PCDHGA2: variants seen among roughly 807,000 people sequenced by gnomAD.
PCDHGA2 encodes the protein protocadherin gamma-A2.
A neutral mutation model predicts 59.2 loss-of-function variants in PCDHGA2; 40 were observed. That is an observed-to-expected ratio of 0.68 (90% CI 0.52 to 0.88). The LOEUF is 0.88. Ranked by LOEUF, PCDHGA2 falls within the 40% of genes least tolerant of loss-of-function variation. The probability of loss-of-function intolerance (pLI) is 0.00; values close to 1 mark genes in which losing one functional copy is unlikely to be tolerated. For missense variants in PCDHGA2, 1,226 were observed against 1,204.0 expected (o/e 1.02, Z -0.27); for synonymous variants, 560 against 526.0 (o/e 1.06, Z -0.89).
At chr5:141,474,745 C>T (rs935430941) in intron 1 of PCDHGA2, among the ~76,000 whole-genome samples, 2 of 152,174 alleles carry the variant, frequency 1.3e-5, no homozygotes, top group East Asian at 3.9e-4. Context: ...AAGTGATGTC[C>T]AAGACAAATA....
At chr5:141,425,381 A>C (rs1374877185) in intron 1 of PCDHGA2, among the ~76,000 whole-genome samples, 3 of 152,194 alleles carry the variant, frequency 2.0e-5, no homozygotes, top group African/African-American at 7.2e-5. Flanking sequence ...GTTGATTCGG[A>C]GGTAGTGATA....
chr5:141,374,477 C>A lies in PCDHGA2; in HGVS notation c.2424+33082C>A, dbSNP rs376389009. 3 of 1,611,808 alleles carry A rather than the reference C, an allele frequency of 1.9e-6. No individual in the cohort carries two copies. In the East Asian group the frequency reaches 6.7e-5, roughly 36 times the overall value. ...AGTGGACATTAATGACAATACACCC[C>A]GATTCTTAAAGGAAGAATTGGAAGT... On this transcript the variant is annotated intron_variant, in intron 1 of 3. Transcript: ENST00000394576.
At chr5:141,499,136 G>A (rs1488844131) in intron 2 of PCDHGA2, among the ~76,000 whole-genome samples, 1 of 152,100 alleles carries the variant, frequency 6.6e-6, no homozygotes, top group Non-Finnish European at 1.5e-5. Flanking sequence ...CATCCTTTGG[G>A]TGTCTGATCC....
At chr5:141,401,548 G>T (rs1291544476) in intron 1 of PCDHGA2, among the ~76,000 whole-genome samples, 1 of 152,162 alleles carries the variant, frequency 6.6e-6, no homozygotes, top group Non-Finnish European at 1.5e-5. Context: ...AAAAGGAAAT[G>T]CTATTGCCTG....
intron 1 of PCDHGA2, chr5:141,359,974 G>A: frequency 1.4e-5 from 10 of 717,304 alleles, no homozygotes; most frequent in Non-Finnish European, 2.0e-5. Context: ...GCGTTTGGGA[G>A]CCTCTTAGAG....
intron 1 of PCDHGA2, chr5:141,389,349 A>C: frequency 5.6e-6 from 9 of 1,613,980 alleles, no homozygotes; most frequent in Non-Finnish European, 7.6e-6. Flanking sequence ...CTCTTACTGC[A>C]TCATGGCCAG....
At chr5:141,413,355 C>G in intron 1 of PCDHGA2, 1 of 1,613,952 alleles carries the variant, frequency 6.2e-7, no homozygotes, top group Non-Finnish European at 8.5e-7. Context: ...GTCTGGCGCC[C>G]CGGGAGCTGG....
intron 1 of PCDHGA2, chr5:141,345,322 C>A (rs1757554908): frequency 1.2e-6 from 2 of 1,613,942 alleles, no homozygotes. Context: ...GGGGGAAGCC[C>A]GCCACTGTCC....
intron 1 of PCDHGA2, chr5:141,399,866 C>G (rs1312435366): frequency 1.1e-5 from 17 of 1,612,854 alleles, no homozygotes; most frequent in Non-Finnish European, 1.4e-5. Context: ...GCTGCAGAGC[C>G]CGGCTACCTG....
intron 1 of PCDHGA2, chr5:141,384,152 A>G: frequency 2.5e-6 from 4 of 1,613,508 alleles, no homozygotes; most frequent in Non-Finnish European, 3.4e-6. Flanking sequence ...CTCTCTTTGT[A>G]TAACATCACA....
intron 1 of PCDHGA2, among the ~76,000 whole-genome samples, chr5:141,346,832 G>A (rs1757814277): frequency 2.0e-5 from 3 of 152,176 alleles, no homozygotes; most frequent in Admixed American, 2.0e-4. Context: ...TGATAAATAG[G>A]CCTTTTTCAT....
intron 1 of PCDHGA2, chr5:141,421,816 C>T (rs981400135): frequency 1.2e-5 from 19 of 1,613,696 alleles, no homozygotes; most frequent in Non-Finnish European, 1.4e-5. Context: ...AGAGCTAGTA[C>T]TGGAGGGAAG....
In PCDHGA2 at chr5:141,362,669, C is replaced by T. The variant is rs1028170696; in HGVS notation, c.2424+21274C>T. 8.6e-6 allele frequency: 11 copies of T among 1,279,762 alleles called. No individual in the cohort carries two copies. The African/African-American group carries it at 1.4e-4, about 16-fold the overall frequency. The allele number at this position is 1,279,762 out of a possible 1,614,324, so 79.3% of individuals were successfully genotyped here. ...TGAGTTAGATTTGGCCAATGTTGTG[C>T]CTTAATTGTCTTAATCTTATCTAAC... is the stretch of plus-strand genomic sequence containing the variant. On this transcript the variant is annotated intron_variant, in intron 1 of 3. Transcript: ENST00000394576.
At chr5:141,505,202 T>C (rs778935321) in intron 2 of PCDHGA2, among the ~76,000 whole-genome samples, 191 bp from the exon 3 acceptor site, 3 of 152,012 alleles carry the variant, frequency 2.0e-5, no homozygotes, top group Non-Finnish European at 4.4e-5. Flanking sequence ...AAAGAGCTGG[T>C]TTGAGGGACT....
Position 141,375,862 on chromosome 5 carries a change from G to T in PCDHGA2, c.2424+34467G>T, listed in dbSNP as rs759161440. 4.3e-6 allele frequency: 7 copies of T among 1,613,976 alleles called. No individual in the cohort carries two copies. The South Asian group carries it at 7.7e-5, about 18-fold the overall frequency. On this transcript the variant is annotated intron_variant, in intron 1 of 3. Coordinates refer to ENST00000394576, the MANE Select transcript of PCDHGA2 (RefSeq NM_018915.4). Reference sequence around the variant, plus strand: ...GCTACCTGGTGACCAAGGTGGTGGCGGTGGACAGAGACTCGGGCCAGAACG... The same window carrying T: ...GCTACCTGGTGACCAAGGTGGTGGCTGTGGACAGAGACTCGGGCCAGAACG...
At chr5:141,464,418 T>C (rs1244881278) in intron 1 of PCDHGA2, among the ~76,000 whole-genome samples, 2 of 151,652 alleles carry the variant, frequency 1.3e-5, no homozygotes, top group Non-Finnish European at 2.9e-5. Flanking sequence ...TATATATCTA[T>C]ATATATAGAT....
intron 1 of PCDHGA2, chr5:141,471,339 C>G (rs537413312): frequency 2.6e-5 from 4 of 152,366 alleles, no homozygotes; most frequent in Admixed American, 2.6e-4. Context: ...GTATGATCCA[C>G]TGCGCCCGGC....
In PCDHGA2 at chr5:141,485,109, C is replaced by A; in HGVS notation, c.2425-9698C>A. ...AGATAGGTGTCTCCAGCTGCTGTGG[C>A]TGTTTGGGGCGGGTCGGCTTCATCC... On this transcript the variant is annotated intron_variant, in intron 1 of 3. Transcript: ENST00000394576. This position sits in a 1 kb window ranked among gnomAD's most constrained non-coding sequence, Gnocchi z 5.7. The A allele has an allele frequency of 1.6e-6, 2 of 1,230,962 alleles. No individual in the cohort carries two copies. The highest frequency in any genetic ancestry group is 2.4e-6 in the Non-Finnish European group (2 of 850,024). The allele number at this position is 1,230,962 out of a possible 1,614,324, so 76.3% of individuals were successfully genotyped here.
rs147506725 is a variant in PCDHGA2, at chr5:141,442,240, G to A, written c.2425-52567G>A. Reference sequence around the variant, plus strand: ...CTTTAATTTCCTTTTTATTCTTCCTGATTGCATTGTTTGTGCTGGTTTTAA... The same window carrying A: ...CTTTAATTTCCTTTTTATTCTTCCTAATTGCATTGTTTGTGCTGGTTTTAA... On this transcript the variant is annotated intron_variant, in intron 1 of 3. Transcript: ENST00000394576. 1,291 of 153,334 alleles carry A rather than the reference G, an allele frequency of 8.4e-3. 26 individuals carry two copies. The highest frequency in any genetic ancestry group is 0.029 in the African/African-American group (1,208 of 41,552). 9.5% of individuals were successfully genotyped at this position (153,334 alleles called of 1,614,324 possible).
Sources: allele counts gnomAD v4.1 joint callset (sites outside exome capture counted in the v4.1 genomes callset), GRCh38; gene constraint gnomAD v4.1.1; non-coding constraint Gnocchi (gnomAD v3.1); transcripts MANE v1.5; gene names NCBI Gene and HGNC (gene_info 2026-07-23, HGNC 2026-07-21).